HS3ST3B1: variants seen among roughly 807,000 people sequenced by gnomAD.
HS3ST3B1 encodes the protein heparan sulfate glucosamine 3-O-sulfotransferase 3B1.
A neutral mutation model predicts 21.3 loss-of-function variants in HS3ST3B1; 13 were observed. The observed-to-expected ratio is 0.61, with a 90% confidence interval of 0.40 to 0.97. HS3ST3B1 has a LOEUF of 0.97. HS3ST3B1 is among the 50% of genes least tolerant of loss of function. The pLI is 0.00. For synonymous variants in HS3ST3B1, 234 were observed against 254.8 expected (o/e 0.92, Z 0.78); for missense variants, 459 against 554.8 (o/e 0.83, Z 1.73).
intron 1 of HS3ST3B1, among the ~76,000 whole-genome samples, chr17:14,340,685 A>C (rs1345565854): frequency 6.6e-6 from 1 of 151,972 alleles, no homozygotes; most frequent in Non-Finnish European, 1.5e-5. Context: ...CAGGTTCAAG[A>C]GATTCTCCTG....
chr17:14,302,002 G>T lies in HS3ST3B1; in HGVS notation c.484G>T (p.Asp162Tyr). The T allele has an allele frequency of 1.9e-6, 3 of 1,609,414 alleles. No individual in the cohort carries two copies. Among genetic ancestry groups the T allele is most frequent in the Non-Finnish European group, 2.5e-6 (3 of 1,179,096 alleles). Residue 162 changes from aspartate to tyrosine, a missense_variant, in exon 1 of 2, where the codon GAC becomes TAC. Transcript: ENST00000360954. ...GCTGGAGTTTCTGCGCGTGCACCCC[G>T]ACGTGCGCGCCGTGGGCGCCGAGCC... ...ALLEFLRVHP[D>Y]VRAVGAEPHF...
chr17:14,306,667 G>A (rs73981334), intron 1 of HS3ST3B1, among the ~76,000 whole-genome samples: 33,823 of 151,982 alleles, frequency 0.22, 3,858 homozygotes, highest in Middle Eastern at 0.31. Flanking sequence ...TATTTTTCTA[G>A]TCTACTTCAG....
chr17:14,311,832 C>T (rs1909314288), intron 1 of HS3ST3B1, among the ~76,000 whole-genome samples: 2 of 152,102 alleles, frequency 1.3e-5, no homozygotes, highest in African/African-American at 4.8e-5. Flanking sequence ...CATCGTTTCT[C>T]TGCAGGGCCT....
intron 1 of HS3ST3B1, among the ~76,000 whole-genome samples, chr17:14,329,986 AT>A (rs1341730890): frequency 1.3e-5 from 2 of 152,186 alleles, no homozygotes; most frequent in Non-Finnish European, 2.9e-5. Context: ...TCTTGGAAGA[AT>A]TTTTTTGTAA....
At chr17:14,324,420 T>C (rs113205842) in intron 1 of HS3ST3B1, among the ~76,000 whole-genome samples, 95 of 152,240 alleles carry the variant, frequency 6.2e-4, no homozygotes, top group African/African-American at 2.0e-3. Flanking sequence ...TGTTTGTTTA[T>C]TTATTTATTT....
chr17:14,336,013 G>A (rs1276057302), intron 1 of HS3ST3B1, among the ~76,000 whole-genome samples: 1 of 152,182 alleles, frequency 6.6e-6, no homozygotes, highest in African/African-American at 2.4e-5. Context: ...CTTTGTTGGA[G>A]TTCAGAAAAC....
At position 14,346,805 on chromosome 17, in the gene HS3ST3B1, A is replaced by C. The variant is rs1370717228; in HGVS notation, c.*1159A>C. ...CCCAGGCAGACAGTTCTGCTTTGAC[A>C]CACCAAAGAATCCCGTAGGCTAGCA... is the stretch of plus-strand genomic sequence containing the variant. On this transcript the variant is annotated 3_prime_UTR_variant, in exon 2 of 2. Transcript: ENST00000360954. The C allele has an allele frequency of 6.6e-6, 1 of 152,210 alleles. No individual in the cohort carries two copies. Among genetic ancestry groups the C allele is most frequent in the African/African-American group, 2.4e-5 (1 of 41,436 alleles). 9.4% of individuals were successfully genotyped at this position (152,210 alleles called of 1,614,324 possible).
chr17:14,310,385 C>T (rs1909268627), intron 1 of HS3ST3B1, among the ~76,000 whole-genome samples: 1 of 152,158 alleles, frequency 6.6e-6, no homozygotes, highest in Non-Finnish European at 1.5e-5. Flanking sequence ...CCAAGGTGGA[C>T]TCAGCCCACA....
Position 14,345,455 on chromosome 17 carries a change from T to C in HS3ST3B1, c.982T>C (p.Phe328Leu). ...KRIITDKHFYFNKTKGFPCLK... is the reference protein window; with the variant it reads ...KRIITDKHFYLNKTKGFPCLK... ...GATCATCACGGACAAGCACTTCTAC[T>C]TCAACAAGACCAAGGGCTTCCCCTG... Residue 328 changes from phenylalanine to leucine, a missense_variant, in exon 2 of 2, where the codon TTC becomes CTC. By Grantham distance (22) the Phe-to-Leu change is conservative. Transcript: ENST00000360954. 6.9e-7 allele frequency: 1 copy of C among 1,458,828 alleles called. No homozygotes were observed. The highest frequency in any genetic ancestry group is 9.5e-7 in the Non-Finnish European group (1 of 1,050,660). The allele number at this position is 1,458,828 out of a possible 1,614,324, so 90.4% of individuals were successfully genotyped here. A position where few individuals can be genotyped will look rare whatever the true frequency, so the allele number is the denominator to read the frequency against.
intron 1 of HS3ST3B1, among the ~76,000 whole-genome samples, chr17:14,322,902 T>A (rs1177585145): frequency 1.8e-4 from 26 of 144,798 alleles, no homozygotes; most frequent in Non-Finnish European, 3.6e-4. Context: ...CTATGTCTTT[T>A]TTTTTTTTTT....
chr17:14,308,216 A>G (rs1426456120), intron 1 of HS3ST3B1, among the ~76,000 whole-genome samples: 2 of 152,216 alleles, frequency 1.3e-5, no homozygotes, highest in African/African-American at 4.8e-5. Context: ...AGATTTGGGG[A>G]AAAGTTTAAG....
chr17:14,337,147 T>C (rs960543188), intron 1 of HS3ST3B1, among the ~76,000 whole-genome samples: 4 of 152,222 alleles, frequency 2.6e-5, no homozygotes, highest in Non-Finnish European at 4.4e-5. Context: ...TAACTTTTGA[T>C]GATGAAAGAA....
At chr17:14,304,542 A>C (rs1178656490) in intron 1 of HS3ST3B1, 1 of 152,158 alleles carries the variant, frequency 6.6e-6, no homozygotes, top group Non-Finnish European at 1.5e-5. Flanking sequence ...CTTTAAACAG[A>C]CCACGCCAGG....
At chr17:14,325,185 A>G (rs1444770201) in intron 1 of HS3ST3B1, among the ~76,000 whole-genome samples, 1 of 152,270 alleles carries the variant, frequency 6.6e-6, no homozygotes, top group Non-Finnish European at 1.5e-5. Flanking sequence ...CCATGGGGCA[A>G]TGGCTACTGG....
rs1335523028 is a variant in HS3ST3B1 at position 14,303,356 on chromosome 17, G to A, written c.554+1284G>A. On this transcript the variant is annotated intron_variant, in intron 1 of 1. Transcript: ENST00000360954. The surrounding 1 kb of genome is among the most constrained non-coding windows in gnomAD (Gnocchi z 5.7). ...TGGGTGGGTTGGAGAATAAAAGAGG[G>A]CTGACCCCGCGGATTAAAACGGCTC... Among the ~76,000 whole-genome samples, 2 of 152,168 alleles carry A rather than the reference G, an allele frequency of 1.3e-5. No individual in the cohort carries two copies. Among genetic ancestry groups the A allele is most frequent in the African/African-American group, 4.8e-5 (2 of 41,460 alleles).
At chr17:14,310,131 G>A (rs566237976) in intron 1 of HS3ST3B1, among the ~76,000 whole-genome samples, 3 of 152,280 alleles carry the variant, frequency 2.0e-5, no homozygotes, top group African/African-American at 7.2e-5. Context: ...ATGACAGGAC[G>A]AAGAGAAAGT....
At chr17:14,314,234 C>CT (rs34733087) in intron 1 of HS3ST3B1, among the ~76,000 whole-genome samples, 63,433 of 152,010 alleles carry the variant, frequency 0.42, 14,442 homozygotes, top group Non-Finnish European at 0.53. Context: ...CCGCCTCGGC[C>CT]TCCCGAAATG....
At chr17:14,309,091 C>T (rs1168537779) in intron 1 of HS3ST3B1, among the ~76,000 whole-genome samples, 8 of 152,222 alleles carry the variant, frequency 5.3e-5, no homozygotes, top group Non-Finnish European at 4.4e-5. Context: ...CCGACGTTGC[C>T]ACGTGTCCGC....
Position 14,301,784 on chromosome 17 carries a change from C to T in HS3ST3B1, c.266C>T (p.Pro89Leu). 1.9e-6 allele frequency: 3 copies of T among 1,557,332 alleles called. No individual in the cohort carries two copies. In the Admixed American group the frequency reaches 5.8e-5, roughly 30 times the overall value. The change falls in exon 1 of 2, where the codon CCG (proline) becomes CTG (leucine). Residue 89 changes from proline to leucine, a missense_variant. Pro to Leu is a moderately conservative substitution (Grantham distance 98). Around this residue, in one of 3 missense-constraint regions of HS3ST3B1, gnomAD observed 317 missense variants for 278.6 expected, o/e 1.14. Coordinates refer to ENST00000360954, the MANE Select transcript of HS3ST3B1 (RefSeq NM_006041.3). ...TAPDGTPPRL[P>L]FRAPPATPLA... ...CCGGACGGGACGCCCCCCAGGCTGC[C>T]GTTCCGGGCGCCGCCAGCCACCCCA... is the stretch of plus-strand genomic sequence containing the variant.
Sources: allele counts gnomAD v4.1 joint callset (sites outside exome capture counted in the v4.1 genomes callset), GRCh38; gene constraint gnomAD v4.1.1; regional missense constraint gnomAD v4.1.1; non-coding constraint Gnocchi (gnomAD v3.1); transcripts MANE v1.5; gene names NCBI Gene and HGNC (gene_info 2026-07-23, HGNC 2026-07-21).